Variants in ANKRD36B observed in about 807,000 individuals in gnomAD.
ANKRD36B encodes ankyrin repeat domain 36B.
In ANKRD36B, 37 loss-of-function variants were observed where a neutral mutation model predicts 135.7. The ratio of observed to expected loss-of-function variants is 0.27; its 90% confidence interval spans 0.21 to 0.36. The LOEUF (loss-of-function observed/expected upper bound fraction) is 0.36, where lower values mean the gene tolerates loss of function less well. Ranked by LOEUF, ANKRD36B falls within the 10% of genes least tolerant of loss-of-function variation. ANKRD36B has a pLI of 1.00. For synonymous variants in ANKRD36B, 179 were observed against 348.1 expected (o/e 0.51, Z 5.41); for missense variants, 549 against 1,037.1 (o/e 0.53, Z 6.46).
intron 24 of ANKRD36B, among the ~76,000 whole-genome samples, chr2:97,544,483 T>C: frequency 1.0e-5 from 1 of 95,286 alleles, no homozygotes; most frequent in East Asian, 2.3e-4. Flanking sequence ...ACTTCACGTC[T>C]CTTCAGTGGA....
At position 97,538,183 on chromosome 2, in the gene ANKRD36B, C is replaced by A. The variant is rs1331390738; in HGVS notation, c.2074G>T (p.Gly692Trp). ...LNIATRITGG[G>W]KSGTEYPENL... Reference sequence around the variant, plus strand: ...GCCAAATTACCTGTTCCAGATTTCCCACCGCCCGTTATTCTTGTGGCAATA... The same window carrying A: ...GCCAAATTACCTGTTCCAGATTTCCAACCGCCCGTTATTCTTGTGGCAATA... Residue 692 changes from glycine to tryptophan, a missense_variant, in exon 32 of 44, where the codon GGG (glycine) becomes TGG (tryptophan). Physicochemically the swap from Gly to Trp is radical, Grantham distance 184 (BLOSUM62 -2). Transcript: ENST00000359901. The A allele has an allele frequency of 2.3e-6, 3 of 1,283,388 alleles. No homozygotes were observed. Among genetic ancestry groups the A allele is most frequent in the South Asian group, 2.4e-5 (2 of 83,462 alleles). The allele number at this position is 1,283,388 out of a possible 1,614,324, so 79.5% of individuals were successfully genotyped here. A position where few individuals can be genotyped will look rare whatever the true frequency, so the allele number is the denominator to read the frequency against.
intron 8 of ANKRD36B, 88 bp downstream of exon 8, chr2:97,560,577 A>T (rs2080929515): frequency 6.4e-7 from 1 of 1,561,124 alleles, no homozygotes; most frequent in Non-Finnish European, 8.7e-7. Flanking sequence ...CGTGCAGCTT[A>T]TATGAACTCC....
intron 6 of ANKRD36B, among the ~76,000 whole-genome samples, chr2:97,575,215 G>C (rs1407259497): frequency 6.6e-6 from 1 of 151,878 alleles, no homozygotes; most frequent in Non-Finnish European, 1.5e-5. Context: ...CTGGGGGTGG[G>C]GAGGGAAAGT....
At chr2:97,569,775 T>C (rs1197441027) in intron 6 of ANKRD36B, among the ~76,000 whole-genome samples, 1 of 152,182 alleles carries the variant, frequency 6.6e-6, no homozygotes, top group Non-Finnish European at 1.5e-5. Flanking sequence ...ATTACTAATA[T>C]ATTGCTATAT....
intron 6 of ANKRD36B, among the ~76,000 whole-genome samples, chr2:97,564,379 TAA>T (rs1479708358): frequency 6.6e-6 from 1 of 152,132 alleles, no homozygotes; most frequent in Non-Finnish European, 1.5e-5. Flanking sequence ...TTCTTTAGTT[TAA>T]TTAGATCCCA....
chr2:97,533,332 A>T lies in ANKRD36B; in HGVS notation c.2192-948T>A, dbSNP rs1223644317. ...ATAACTGAAATAGAAGAGTGTATCT[A>T]TTTCAATGTAAACATGTTGACTGAT... is the stretch of plus-strand genomic sequence containing the variant. On this transcript the variant is annotated intron_variant, in intron 34 of 43. Transcript: ENST00000359901. Among the ~76,000 whole-genome samples the T allele has an allele frequency of 2.1e-5, 2 of 97,426 alleles. 1 individual carries two copies. The highest frequency in any genetic ancestry group is 6.2e-5 in the African/African-American group (2 of 32,462). The allele number at this position is 97,426 out of a possible 152,430, so 63.9% of individuals were successfully genotyped here.
intron 6 of ANKRD36B, among the ~76,000 whole-genome samples, chr2:97,572,132 A>G (rs1157906702): frequency 6.6e-6 from 1 of 152,144 alleles, no homozygotes; most frequent in African/African-American, 2.4e-5. Flanking sequence ...TAAAAAAGTT[A>G]GCTTGGTATG....
chr2:97,560,861 C>A lies in ANKRD36B; in HGVS notation c.764-1G>T. The A allele has an allele frequency of 6.4e-7, 1 of 1,571,098 alleles. No homozygotes were observed. Among genetic ancestry groups the A allele is most frequent in the South Asian group, 1.1e-5 (1 of 89,756 alleles). On this transcript the variant is annotated splice_acceptor_variant, in intron 6 of 43. Transcript: ENST00000359901. LOFTEE classifies it high-confidence loss of function. ...TCAGCTCGTTGTTTCTGAGGAGACA[C>A]TGAAAAGCAAAAGGGATACATAATC... is the stretch of plus-strand genomic sequence containing the variant.
At chr2:97,553,394 A>C (rs754048473) in intron 14 of ANKRD36B, 23 bp from the exon 15 acceptor site, 1 of 1,604,454 alleles carries the variant, frequency 6.2e-7, no homozygotes, top group Non-Finnish European at 8.5e-7. Flanking sequence ...AGGGATACAT[A>C]ATCACTCATA....
rs1464766562 is a variant in ANKRD36B, at chr2:97,589,706, G to C, written c.-21C>G. Reference sequence around the variant, plus strand: ...TCCATGAGGGTGGGCCACCTCTCCCGCTCGTCGTCTTCCTTAATCGTCGGC... The same window carrying C: ...TCCATGAGGGTGGGCCACCTCTCCCCCTCGTCGTCTTCCTTAATCGTCGGC... On this transcript the variant is annotated 5_prime_UTR_variant, in exon 1 of 44. Coordinates refer to ENST00000359901, the MANE Select transcript of ANKRD36B (RefSeq NM_001393939.1). 1 of 1,613,804 alleles carries C rather than the reference G, an allele frequency of 6.2e-7. No individual in the cohort carries two copies. The highest frequency in any genetic ancestry group is 1.3e-5 in the African/African-American group (1 of 74,876).
intron 16 of ANKRD36B, among the ~76,000 whole-genome samples, chr2:97,551,907 C>G (rs918336406): frequency 4.6e-5 from 7 of 151,938 alleles, no homozygotes; most frequent in Non-Finnish European, 1.0e-4. Context: ...ATGCATCATG[C>G]TCTTTAACTT....
At position 97,540,923 on chromosome 2, in the gene ANKRD36B, TATC is replaced by T. The variant is rs1456593923; in HGVS notation, c.1886-697_1886-695del. 2.1e-5 allele frequency among the ~76,000 whole-genome samples: 2 copies of T among 96,396 alleles called. 1 individual carries two copies. The highest frequency in any genetic ancestry group is 5.5e-5 in the Non-Finnish European group (2 of 36,216). The allele number at this position is 96,396 out of a possible 152,430, so 63.2% of individuals were successfully genotyped here. ...GATAATATATTAGCCTCAATAAAAA[TATC>T]ATCAATTATCAATTTTGACATACTT... On this transcript the variant is annotated intron_variant, in intron 28 of 43. Coordinates refer to ENST00000359901, the MANE Select transcript of ANKRD36B (RefSeq NM_001393939.1).
chr2:97,546,361 C>T (rs1385720037), intron 22 of ANKRD36B, among the ~76,000 whole-genome samples: 1 of 151,700 alleles, frequency 6.6e-6, no homozygotes, highest in Non-Finnish European at 1.5e-5. Flanking sequence ...CTTCACATCC[C>T]TTCAGTGGAA....
chr2:97,587,544 T>C (rs183730068), intron 1 of ANKRD36B, among the ~76,000 whole-genome samples: 68 of 152,342 alleles, frequency 4.5e-4, no homozygotes, highest in Non-Finnish European at 8.7e-4. Context: ...CTGAAATTTA[T>C]TGATAAATTT....
intron 35 of ANKRD36B, among the ~76,000 whole-genome samples, chr2:97,530,814 A>G (rs2078538025): frequency 1.0e-5 from 1 of 98,136 alleles, no homozygotes; most frequent in Admixed American, 8.9e-5. Flanking sequence ...AATGCTCATC[A>G]TCACTGGCCA....
intron 28 of ANKRD36B, among the ~76,000 whole-genome samples, chr2:97,541,629 T>A (rs2079154123): frequency 1.0e-5 from 1 of 96,094 alleles, no homozygotes; most frequent in Admixed American, 9.3e-5. Flanking sequence ...GCTGTAGAAT[T>A]AAAGCAAAAT....
intron 20 of ANKRD36B, among the ~76,000 whole-genome samples, chr2:97,548,744 T>C (rs1345764779): frequency 1.3e-4 from 19 of 151,950 alleles, no homozygotes; most frequent in African/African-American, 4.1e-4. Context: ...TGCCTAATAG[T>C]AACAAAGAGG....
At chr2:97,562,701 T>C (rs1296996634) in intron 6 of ANKRD36B, among the ~76,000 whole-genome samples, 1 of 152,088 alleles carries the variant, frequency 6.6e-6, no homozygotes, top group Non-Finnish European at 1.5e-5. Context: ...CCACATTCAT[T>C]TCTTCATTAT....
At chr2:97,587,528 G>C (rs2083099881) in intron 1 of ANKRD36B, among the ~76,000 whole-genome samples, 1 of 152,060 alleles carries the variant, frequency 6.6e-6, no homozygotes, top group African/African-American at 2.4e-5. Context: ...CCATCCTATG[G>C]ATGCACTGAA....
Sources: allele counts gnomAD v4.1 joint callset (sites outside exome capture counted in the v4.1 genomes callset), GRCh38; gene constraint gnomAD v4.1.1; transcripts MANE v1.5; gene names NCBI Gene and HGNC (gene_info 2026-07-23, HGNC 2026-07-21).